GPI: variants seen among roughly 807,000 people sequenced by gnomAD.
GPI encodes glucose-6-phosphate isomerase.
Under a neutral mutation model 75.8 loss-of-function variants are expected in GPI, and 56 were observed. The observed-to-expected ratio is 0.74, with a 90% CI of 0.60 to 0.92. The LOEUF is 0.92. GPI is among the 40% of genes least tolerant of loss of function. The probability of loss-of-function intolerance (pLI) is 0.00; values close to 1 mark genes in which losing one functional copy is unlikely to be tolerated. For synonymous variants in GPI, 288 were observed against 285.4 expected (o/e 1.01, Z -0.09); for missense variants, 638 against 741.0 (o/e 0.86, Z 1.61).
At chr19:34,392,980 G>C (rs2074887205) in intron 9 of GPI, 1 of 514,664 alleles carries the variant, frequency 1.9e-6, no homozygotes, top group Admixed American at 3.0e-5. Flanking sequence ...TGGGTCTGCT[G>C]GTGTCTGCAG....
At chr19:34,366,897 G>A in intron 3 of GPI, 46 bp downstream of exon 3, 1 of 1,349,502 alleles carries the variant, frequency 7.4e-7, no homozygotes, top group Non-Finnish European at 1.1e-6. Context: ...CCTTCCCTTT[G>A]GGGTTTATCT....
At chr19:34,395,544 T>C (rs998289707) in intron 12 of GPI, among the ~76,000 whole-genome samples, 1 of 152,002 alleles carries the variant, frequency 6.6e-6, no homozygotes, top group African/African-American at 2.4e-5. Flanking sequence ...TCTGTCTCTT[T>C]GGGAAAAAAA....
rs2075004757 is a variant in GPI at position 34,400,340 on chromosome 19, C to CA, written c.*305dup. On this transcript the variant is annotated 3_prime_UTR_variant, in exon 18 of 18. Coordinates refer to ENST00000356487, the MANE Select transcript of GPI (RefSeq NM_000175.5). The stretch of plus-strand genomic sequence containing the variant: ...GATGCCACGGAGGAGGTTGTAGGCT[C>CA]AGCCTCTGATTTTTTTTTTCCTGTG... 7 of 595,918 alleles carry CA rather than the reference C, an allele frequency of 1.2e-5. No individual in the cohort carries two copies. The Admixed American group carries it at 2.1e-4, about 18-fold the overall frequency. The allele number at this position is 595,918 out of a possible 1,614,324, so 36.9% of individuals were successfully genotyped here.
At chr19:34,366,936 C>A in intron 3 of GPI, 85 bp downstream of exon 3, 1 of 1,012,588 alleles carries the variant, frequency 9.9e-7, no homozygotes, top group Non-Finnish European at 1.6e-6. Flanking sequence ...CCTGTGTCTT[C>A]ACCCCTTCTC....
chr19:34,376,593 G>T (rs935037936), intron 4 of GPI, among the ~76,000 whole-genome samples: 4 of 151,126 alleles, frequency 2.6e-5, no homozygotes, highest in African/African-American at 9.7e-5. Context: ...CTAAAGCAGA[G>T]CATTTTGTTC....
chr19:34,400,100 G>A lies in GPI; in HGVS notation c.*64G>A. 6.5e-7 allele frequency: 1 copy of A among 1,540,932 alleles called. No homozygotes were observed. The highest frequency in any genetic ancestry group is 2.2e-5 in the East Asian group (1 of 44,594). On this transcript the variant is annotated 3_prime_UTR_variant, in exon 18 of 18. Coordinates refer to ENST00000356487, the MANE Select transcript of GPI (RefSeq NM_000175.5). ...TCTCTTCTCGTCCCTCCTCCCCGGA[G>A]CCGGCACTGCATGTTCCTGGACACC...
At chr19:34,365,651 T>A in intron 1 of GPI, 1 of 634,770 alleles carries the variant, frequency 1.6e-6, no homozygotes, top group Non-Finnish European at 2.9e-6. Context: ...TGGGGACATT[T>A]CCCCTCCTCC....
At chr19:34,372,748 T>C (rs2074474682) in intron 4 of GPI, among the ~76,000 whole-genome samples, 1 of 152,122 alleles carries the variant, frequency 6.6e-6, no homozygotes, top group African/African-American at 2.4e-5. Flanking sequence ...CAAGACTAGC[T>C]TGGGCAACCT....
chr19:34,363,303 G>C (rs1274184202), upstream of GPI: 7 of 149,448 alleles, frequency 4.7e-5, no homozygotes, highest in Non-Finnish European at 1.0e-4. Flanking sequence ...GTGAGACCCT[G>C]TCTCAAAAAA....
chr19:34,387,473 C>A (rs2074754014), intron 9 of GPI, among the ~76,000 whole-genome samples: 1 of 151,132 alleles, frequency 6.6e-6, no homozygotes, highest in African/African-American at 2.4e-5. Flanking sequence ...GTCTGTGGAT[C>A]CAGGCTCAGT....
At chr19:34,394,252 C>A (rs1389420446) in intron 12 of GPI, among the ~76,000 whole-genome samples, 186 bp downstream of exon 12, 1 of 152,168 alleles carries the variant, frequency 6.6e-6, no homozygotes, top group Non-Finnish European at 1.5e-5. Flanking sequence ...ATTTGAGTGT[C>A]ATCTGAGTTT....
intron 8 of GPI, among the ~76,000 whole-genome samples, chr19:34,380,428 C>T (rs1054482390): frequency 3.3e-5 from 5 of 151,978 alleles, no homozygotes; most frequent in African/African-American, 1.2e-4. Flanking sequence ...ATTACAGGCG[C>T]CCACTACCAC....
In GPI at chr19:34,379,079, A is replaced by G. The variant is rs370607886; in HGVS notation, c.705+74A>G. ...GAGCAGGGTGGGCCCCTGAGTGACC[A>G]AGTCTGGCCGTGTTTCTCCTGAAGT... On this transcript the variant is annotated intron_variant, in intron 7 of 17. Transcript: ENST00000356487. 5,265 of 1,272,994 alleles carry G rather than the reference A, an allele frequency of 4.1e-3. 14 individuals carry two copies. The highest frequency in any genetic ancestry group is 8.0e-3 in the South Asian group (672 of 84,384). 78.9% of individuals were successfully genotyped at this position (1,272,994 alleles called of 1,614,324 possible). A position where few individuals can be genotyped will look rare whatever the true frequency, so the allele number is the denominator to read the frequency against.
chr19:34,362,693 G>C (rs1034153188), upstream of GPI, among the ~76,000 whole-genome samples: 1 of 152,184 alleles, frequency 6.6e-6, no homozygotes, highest in Non-Finnish European at 1.5e-5. Flanking sequence ...CCAGGAACCT[G>C]GGCACTGTGA....
Position 34,396,585 on chromosome 19 carries a change from C to G in GPI, c.1197C>G (p.Thr399=). ...TGACCACAGTGCCCTTCACAGGCAC[C>G]AAGATGATACCCTGTGACTTCCTCA... is the stretch of plus-strand genomic sequence containing the variant. The part of the protein sequence containing the change: ...HAFYQLIHQG[T]KMIPCDFLIP... Residue 399 remains threonine (T), a synonymous_variant, in exon 14 of 18, where the codon ACC becomes ACG. Transcript: ENST00000356487. 1.2e-6 allele frequency: 2 copies of G among 1,614,064 alleles called. No individual in the cohort carries two copies. The highest frequency in any genetic ancestry group is 1.7e-6 in the Non-Finnish European group (2 of 1,179,920).
chr19:34,366,518 A>G (rs923552541), intron 2 of GPI, 83 bp downstream of exon 2: 14 of 906,528 alleles, frequency 1.5e-5, no homozygotes, highest in Non-Finnish European at 2.4e-5. Context: ...CAGGACCTTG[A>G]GTATCTTGAG....
Position 34,382,026 on chromosome 19 carries a change from C to T in GPI, c.804+507C>T, listed in dbSNP as rs553575911. 5.3e-5 allele frequency among the ~76,000 whole-genome samples: 8 copies of T among 152,130 alleles called. No individual in the cohort carries two copies. In the South Asian group the frequency reaches 6.2e-4, roughly 12 times the overall value. ...ACCCTGCCTTGAGTGACAGGGCTGC[C>T]GACCCCTCTGTAGCAACAGGTGGTC... On this transcript the variant is annotated intron_variant, in intron 9 of 17. Coordinates refer to ENST00000356487, the MANE Select transcript of GPI (RefSeq NM_000175.5).
chr19:34,380,921 G>A (rs62122224), intron 8 of GPI: 32,749 of 223,864 alleles, frequency 0.15, 3,145 homozygotes, highest in Non-Finnish European at 0.21. Context: ...CTCCTATGTG[G>A]AATAGGTAAG....
chr19:34,364,802 A>G (rs1167157266), upstream of GPI: 1 of 494,218 alleles, frequency 2.0e-6, no homozygotes, highest in South Asian at 3.7e-5. Flanking sequence ...GCACATATGT[A>G]TCCACAGCGC....
Sources: gnomAD v4.1 joint callset for allele counts (sites outside exome capture counted in the v4.1 genomes callset) on GRCh38, gnomAD v4.1.1 for gene constraint, MANE v1.5 for transcripts, NCBI Gene and HGNC (gene_info 2026-07-23, HGNC 2026-07-21) for gene names.